Variants in NPTXR observed in about 807,000 individuals in gnomAD.
NPTXR encodes neuronal pentraxin receptor.
A neutral mutation model predicts 32.2 loss-of-function variants in NPTXR; 12 were observed. The ratio of observed to expected loss-of-function variants is 0.37; its 90% CI spans 0.24 to 0.60. The LOEUF is 0.60. Among genes scored for constraint, NPTXR ranks in the 20% least tolerant of loss-of-function variants. The pLI, the probability that NPTXR is intolerant of heterozygous loss-of-function variation, is 0.66. For missense variants in NPTXR, 612 were observed against 682.9 expected (o/e 0.90, Z 1.16); for synonymous variants, 323 against 315.8 (o/e 1.02, Z -0.24).
chr22:38,828,599 G>T, intron 1 of NPTXR, 87 bp from the exon 2 acceptor site: 1 of 1,070,164 alleles, frequency 9.3e-7, no homozygotes, highest in Non-Finnish European at 1.3e-6. Context: ...CCTGCTCAGT[G>T]ACCCCAGGGG....
intron 2 of NPTXR, among the ~76,000 whole-genome samples, chr22:38,827,065 T>TAG (rs1262279026): frequency 6.6e-6 from 1 of 152,088 alleles, no homozygotes; most frequent in East Asian, 1.9e-4. Context: ...TTGCTTCTCC[T>TAG]GTTCCTGTGC....
intron 1 of NPTXR, among the ~76,000 whole-genome samples, chr22:38,839,416 G>A (rs2093128950): frequency 6.6e-6 from 1 of 152,174 alleles, no homozygotes; most frequent in African/African-American, 2.4e-5. Flanking sequence ...AGGCTGAGGT[G>A]GGCGGATCAC....
intron 1 of NPTXR, among the ~76,000 whole-genome samples, chr22:38,841,684 T>C (rs745608957): frequency 1.3e-5 from 2 of 152,254 alleles, no homozygotes; most frequent in Admixed American, 6.5e-5. Flanking sequence ...ATCACTCAAA[T>C]TGACTGAACA....
At chr22:38,841,383 A>G (rs759467642) in intron 1 of NPTXR, among the ~76,000 whole-genome samples, 1 of 152,192 alleles carries the variant, frequency 6.6e-6, no homozygotes. Flanking sequence ...GATCCCCCCA[A>G]CCTCAGCGGG....
At position 38,843,771 on chromosome 22, in the gene NPTXR, C is replaced by A. The variant is rs1283815789; in HGVS notation, c.88G>T (p.Ala30Ser). Residue 30 changes from alanine (A) to serine (S), a missense_variant, in exon 1 of 5, where the codon GCC (alanine) becomes TCC (serine). By Grantham distance (99) the Ala-to-Ser change is moderately conservative. Transcript: ENST00000333039. The surrounding 1 kb of genome is among the most constrained non-coding windows in gnomAD (Gnocchi z 5.3). ...CCGGGCAGCGCCCGCGCCGGGCTGG[C>A]CGCCAGGGGCACGCTGGCGATGATG... 15 of 998,236 alleles carry A rather than the reference C, an allele frequency of 1.5e-5. No individual in the cohort carries two copies. Among genetic ancestry groups the A allele is most frequent in the South Asian group, 9.0e-5 (2 of 22,120 alleles). 61.8% of individuals were successfully genotyped at this position (998,236 alleles called of 1,614,324 possible).
chr22:38,828,251 A>AC, intron 2 of NPTXR, 36 bp downstream of exon 2: 1 of 1,533,618 alleles, frequency 6.5e-7, no homozygotes, highest in Non-Finnish European at 9.0e-7. Context: ...CATCCTGAGG[A>AC]CCCCTCCAAT....
Position 38,826,549 on chromosome 22 carries a change from A to G in NPTXR, c.1049T>C (p.Val350Ala). The G allele has an allele frequency of 6.2e-7, 1 of 1,614,146 alleles. No individual in the cohort carries two copies. The highest frequency in any genetic ancestry group is 8.5e-7 in the Non-Finnish European group (1 of 1,179,994). ...GGGCTCATGGCCCGCCTCTAGCAGT[A>G]CAATCTCGTTGGCCTGCCCGGGCAC... Residue 350 changes from valine to alanine, a missense_variant, in exon 3 of 5, where the codon GTA (valine) becomes GCA (alanine). By Grantham distance (64) the Val-to-Ala change is moderately conservative (BLOSUM62 0). Transcript: ENST00000333039.
In NPTXR at chr22:38,822,268, A is replaced by G. The variant is rs1268805464; in HGVS notation, c.*341T>C. ...CCACTGAGATAGTGGGGTCCCCCTC[A>G]TACACAATCCTACCCTACTGGGGGT... On this transcript the variant is annotated 3_prime_UTR_variant, in exon 5 of 5. Coordinates refer to ENST00000333039, the MANE Select transcript of NPTXR (RefSeq NM_014293.4). 9.2e-6 allele frequency: 3 copies of G among 325,004 alleles called. No individual in the cohort carries two copies. The East Asian group carries it at 2.0e-4, about 22-fold the overall frequency. 20.1% of individuals were successfully genotyped at this position (325,004 alleles called of 1,614,324 possible).
chr22:38,833,736 A>G (rs1807736), intron 1 of NPTXR, among the ~76,000 whole-genome samples: 68,223 of 149,382 alleles, frequency 0.46, 16,122 homozygotes, highest in East Asian at 0.82. Context: ...GTGCAGTGGC[A>G]CGATCTCGGC....
Position 38,843,451 on chromosome 22 carries a change from C to T in NPTXR, c.408G>A (p.Thr136=), listed in dbSNP as rs755095389. 2 of 1,366,054 alleles carry T rather than the reference C, an allele frequency of 1.5e-6. No individual in the cohort carries two copies. Among genetic ancestry groups the T allele is most frequent in the Non-Finnish European group, 9.4e-7 (1 of 1,065,482 alleles). 84.6% of individuals were successfully genotyped at this position (1,366,054 alleles called of 1,614,324 possible). Reference sequence around the variant, plus strand: ...GGATGCGCGCCTCCTGCTGCAGCGCCGTCTGGCGCAGCTGCTCGGCCGTGC... The same window carrying T: ...GGATGCGCGCCTCCTGCTGCAGCGCTGTCTGGCGCAGCTGCTCGGCCGTGC... The change falls in exon 1 of 5, where the codon ACG becomes ACA. Residue 136 remains threonine, a synonymous_variant. Coordinates refer to ENST00000333039, the MANE Select transcript of NPTXR (RefSeq NM_014293.4). The surrounding 1 kb of genome is among the most constrained non-coding windows in gnomAD (Gnocchi z 5.3).
intron 1 of NPTXR, among the ~76,000 whole-genome samples, chr22:38,835,534 G>A (rs547484328): frequency 6.6e-6 from 1 of 152,174 alleles, no homozygotes; most frequent in South Asian, 2.1e-4. Context: ...TGTACCTCCT[G>A]GGTCCGAGAC....
In NPTXR at chr22:38,822,461, T is replaced by C; in HGVS notation, c.*148A>G. On this transcript the variant is annotated 3_prime_UTR_variant, in exon 5 of 5. Transcript: ENST00000333039. The stretch of plus-strand genomic sequence containing the variant: ...CTCGCAGGGCAGGGCATTCTGGAGG[T>C]GTGGGTACAGGTGAGGGGAAATGGG... The C allele has an allele frequency of 1.5e-6, 1 of 673,162 alleles. No homozygotes were observed. The allele number at this position is 673,162 out of a possible 1,614,324, so 41.7% of individuals were successfully genotyped here.
chr22:38,839,945 G>T (rs919281747), intron 1 of NPTXR, among the ~76,000 whole-genome samples: 2 of 152,204 alleles, frequency 1.3e-5, no homozygotes, highest in African/African-American at 4.8e-5. Flanking sequence ...ATATGGATAA[G>T]GACTGAAAGA....
rs1476831451 is a variant in NPTXR at position 38,843,298 on chromosome 22, A to T, written c.561T>A (p.Pro187=). The T allele has an allele frequency of 1.4e-6, 2 of 1,438,558 alleles. No homozygotes were observed. The highest frequency in any genetic ancestry group is 1.8e-6 in the Non-Finnish European group (2 of 1,102,310). The allele number at this position is 1,438,558 out of a possible 1,614,324, so 89.1% of individuals were successfully genotyped here. The change falls in exon 1 of 5, where the codon CCT becomes CCA. Residue 187 remains proline, a synonymous_variant. Coordinates refer to ENST00000333039, the MANE Select transcript of NPTXR (RefSeq NM_014293.4). This position sits in a 1 kb window ranked among gnomAD's most constrained non-coding sequence, Gnocchi z 5.3. ...CGTCCTCCAGCTCCAGAATGAGCGC[A>T]GGCGAGTCCCAGGGCCCGTCGGCCA...
At chr22:38,832,652 C>T (rs1228662950) in intron 1 of NPTXR, among the ~76,000 whole-genome samples, 1 of 152,228 alleles carries the variant, frequency 6.6e-6, no homozygotes, top group Non-Finnish European at 1.5e-5. Flanking sequence ...GGGAGGCCCA[C>T]TCAGAGATGA....
At chr22:38,840,901 G>A (rs544175228) in intron 1 of NPTXR, among the ~76,000 whole-genome samples, 1 of 152,298 alleles carries the variant, frequency 6.6e-6, no homozygotes, top group South Asian at 2.1e-4. Context: ...GAAGCCCAGG[G>A]CATGGAGACC....
intron 1 of NPTXR, among the ~76,000 whole-genome samples, chr22:38,832,596 A>C (rs5750685): frequency 0.67 from 102,580 of 152,206 alleles, 35,760 homozygotes; most frequent in East Asian, 0.85. Flanking sequence ...ACTAGGGAAG[A>C]TCTGTGCAAA....
In NPTXR at chr22:38,822,848, C is replaced by A; in HGVS notation, c.1279-15G>T. 6.2e-7 allele frequency: 1 copy of A among 1,608,912 alleles called. No individual in the cohort carries two copies. Among genetic ancestry groups the A allele is most frequent in the Non-Finnish European group, 8.5e-7 (1 of 1,176,182 alleles). On this transcript the variant is annotated splice_polypyrimidine_tract_variant and intron_variant, in intron 4 of 4. Coordinates refer to ENST00000333039, the MANE Select transcript of NPTXR (RefSeq NM_014293.4). ...CCCAGGGTATCCTGGGCCAAGACAG[C>A]AGCAGAGAAAGGAGAGGCATGGAGT...
intron 3 of NPTXR, among the ~76,000 whole-genome samples, chr22:38,825,660 G>A (rs2093105189): frequency 6.6e-6 from 1 of 152,006 alleles, no homozygotes; most frequent in Admixed American, 6.6e-5. Context: ...TGAAGATGCA[G>A]AACCAAGACT....
Sources: allele counts gnomAD v4.1 joint callset (sites outside exome capture counted in the v4.1 genomes callset), GRCh38; gene constraint gnomAD v4.1.1; non-coding constraint Gnocchi (gnomAD v3.1); transcripts MANE v1.5; gene names NCBI Gene and HGNC (gene_info 2026-07-23, HGNC 2026-07-21).